The following RAB28 variants were observed in gnomAD, a reference collection of about 807,000 sequenced individuals.
The protein encoded by RAB28 is ras-related protein Rab-28.
RAB28 carries 24 observed loss-of-function variants against 31.7 expected under a neutral mutation model. The observed-to-expected ratio is 0.76, with a 90% CI of 0.55 to 1.06. The LOEUF is 1.06. RAB28 is among the 50% of genes least tolerant of loss of function. The pLI, the probability that RAB28 is intolerant of heterozygous loss-of-function variation, is 0.00. For synonymous variants in RAB28, 100 were observed against 90.4 expected (o/e 1.11, Z -0.60); for missense variants, 254 against 258.5 (o/e 0.98, Z 0.12).
chr4:13,425,506 T>C (rs143038851), intron 4 of RAB28, among the ~76,000 whole-genome samples: 267 of 152,246 alleles, frequency 1.8e-3, no homozygotes, highest in African/African-American at 6.0e-3. Flanking sequence ...TCTAGCATCA[T>C]GAAAAGGACT....
At chr4:13,451,999 T>C (rs1404997385) in intron 4 of RAB28, among the ~76,000 whole-genome samples, 1 of 151,952 alleles carries the variant, frequency 6.6e-6, no homozygotes, top group African/African-American at 2.4e-5. Flanking sequence ...TGCTTTGTAG[T>C]ATGTTTTCAA....
At chr4:13,459,994 A>T in intron 4 of RAB28, 1 of 973,390 alleles carries the variant, frequency 1.0e-6, no homozygotes, top group Non-Finnish European at 1.4e-6. Flanking sequence ...AAAGCAGCGG[A>T]GCAGTTATAA....
At chr4:13,396,423 T>C (rs1729875728) in intron 4 of RAB28, among the ~76,000 whole-genome samples, 2 of 152,068 alleles carry the variant, frequency 1.3e-5, no homozygotes, top group African/African-American at 4.8e-5. Flanking sequence ...GAGCATGTGT[T>C]TAATTTTACC....
chr4:13,378,409 A>G (rs774073550), intron 5 of RAB28, among the ~76,000 whole-genome samples: 9 of 152,196 alleles, frequency 5.9e-5, no homozygotes, highest in Non-Finnish European at 1.3e-4. Context: ...TGGGTAAAAT[A>G]CTGAGGGCAA....
At chr4:13,371,909 C>T in intron 6 of RAB28, 2 of 1,480,316 alleles carry the variant, frequency 1.4e-6, no homozygotes, top group South Asian at 1.2e-5. Context: ...AAGCTTAACC[C>T]TGATATTTTC....
intron 4 of RAB28, among the ~76,000 whole-genome samples, chr4:13,426,852 CTAA>C (rs1172327436): frequency 6.6e-6 from 1 of 152,120 alleles, no homozygotes; most frequent in African/African-American, 2.4e-5. Flanking sequence ...AAGATTATGA[CTAA>C]TGAGAATATT....
intron 4 of RAB28, among the ~76,000 whole-genome samples, chr4:13,444,116 C>A (rs1443822620): frequency 6.6e-6 from 1 of 151,842 alleles, no homozygotes; most frequent in Non-Finnish European, 1.5e-5. Flanking sequence ...CAAGCTCCGC[C>A]TCCCGGGTTC....
intron 2 of RAB28, among the ~76,000 whole-genome samples, chr4:13,475,454 AT>A (rs1479836427): frequency 1.3e-5 from 2 of 151,720 alleles, no homozygotes; most frequent in Non-Finnish European, 3.0e-5. Context: ...TTATAAAGAT[AT>A]AAATTTATAA....
chr4:13,394,236 G>A (rs1358886768), intron 4 of RAB28, among the ~76,000 whole-genome samples: 1 of 152,066 alleles, frequency 6.6e-6, no homozygotes, highest in African/African-American at 2.4e-5. Flanking sequence ...TTGGCACAAG[G>A]GACTAGTTTC....
intron 4 of RAB28, among the ~76,000 whole-genome samples, chr4:13,433,834 T>C (rs951293367): frequency 1.3e-5 from 2 of 152,028 alleles, no homozygotes; most frequent in Non-Finnish European, 2.9e-5. Flanking sequence ...AAATAAACCA[T>C]TTTACCGAAA....
At chr4:13,479,372 C>T (rs1716504928) in intron 2 of RAB28, 58 bp downstream of exon 2, 4 of 1,273,818 alleles carry the variant, frequency 3.1e-6, no homozygotes, top group Non-Finnish European at 4.5e-6. Flanking sequence ...CTTTCTTATG[C>T]CACTTATTGT....
At chr4:13,406,051 T>C (rs1712061190) in intron 4 of RAB28, among the ~76,000 whole-genome samples, 1 of 152,188 alleles carries the variant, frequency 6.6e-6, no homozygotes. Flanking sequence ...GTGCAGAACA[T>C]GCAGGTTTGT....
In RAB28 at chr4:13,460,704, T is replaced by C; in HGVS notation, c.386A>G (p.Asn129Ser). 1.2e-6 allele frequency: 2 copies of C among 1,614,010 alleles called. No homozygotes were observed. The highest frequency in any genetic ancestry group is 1.7e-6 in the Non-Finnish European group (2 of 1,179,898). The change falls in exon 4 of 7, where the codon AAT becomes AGT. Residue 129 changes from asparagine (N) to serine (S), a missense_variant. Coordinates refer to ENST00000330852, the MANE Select transcript of RAB28 (RefSeq NM_001017979.3). Reference sequence around the variant, plus strand: ...AACAAGCAGTAATAACTTACTTTTATTGCCTACCAAGGCAACCAGTGGCTG... The same window carrying C: ...AACAAGCAGTAATAACTTACTTTTACTGCCTACCAAGGCAACCAGTGGCTG... ...ETQPLVALVG[N>S]KIDLEHMRTI...
rs901987918 is a variant in RAB28, at chr4:13,378,981, C to T, written c.496-2359G>A. ...ACCCCAACACTTTGGGAGACTGAGG[C>T]GGGTGAATCACGAGGTCAGTTCAAG... On this transcript the variant is annotated intron_variant, in intron 5 of 6. Transcript: ENST00000330852. Among the ~76,000 whole-genome samples the T allele has an allele frequency of 5.3e-5, 8 of 152,014 alleles. No individual in the cohort carries two copies. In the South Asian group the frequency reaches 1.5e-3, roughly 28 times the overall value.
chr4:13,416,397 C>T (rs933600142), intron 4 of RAB28, among the ~76,000 whole-genome samples: 7 of 152,130 alleles, frequency 4.6e-5, no homozygotes, highest in African/African-American at 1.2e-4. Flanking sequence ...CCAGACACGC[C>T]GCCTTTAAGA....
rs112464394 is a variant in RAB28 at position 13,411,910 on chromosome 4, A to C, written c.392-30316T>G. Reference sequence around the variant, plus strand: ...CAATAACCCACTTAACAGGCAAAGAAAAAACACAAGGCTTTTATCTATATA... The same window carrying C: ...CAATAACCCACTTAACAGGCAAAGACAAAACACAAGGCTTTTATCTATATA... On this transcript the variant is annotated intron_variant, in intron 4 of 6. Coordinates refer to ENST00000330852, the MANE Select transcript of RAB28 (RefSeq NM_001017979.3). Among the ~76,000 whole-genome samples, 1,122 of 152,154 alleles carry C rather than the reference A, an allele frequency of 7.4e-3. 20 individuals are homozygous for C. Among genetic ancestry groups the C allele is most frequent in the African/African-American group, 0.025 (1,037 of 41,550 alleles).
intron 4 of RAB28, among the ~76,000 whole-genome samples, chr4:13,458,866 T>C (rs1715444923): frequency 6.6e-6 from 1 of 152,204 alleles, no homozygotes; most frequent in South Asian, 2.1e-4. Flanking sequence ...TTTGTGTAAA[T>C]ACACTCTATG....
Position 13,381,550 on chromosome 4 carries a change from G to A in RAB28, c.436C>T (p.Arg146Trp), listed in dbSNP as rs139395840. 7.3e-5 allele frequency: 118 copies of A among 1,613,248 alleles called. No homozygotes were observed. The African/African-American group carries it at 1.3e-3, about 17-fold the overall frequency. Residue 146 changes from arginine (R) to tryptophan (W), a missense_variant, in exon 5 of 7, where the codon CGG becomes TGG. By Grantham distance (101) the Arg-to-Trp change is moderately radical. Coordinates refer to ENST00000330852, the MANE Select transcript of RAB28 (RefSeq NM_001017979.3). ...CTAAAACCATTTTCCTGGCAAAACC[G>A]TAAGTGTTTTTCAGGTTTTATTGTT... ...MRTIKPEKHL[R>W]FCQENGFSSH...
At chr4:13,401,377 C>A (rs76183178) in intron 4 of RAB28, among the ~76,000 whole-genome samples, 3 of 151,854 alleles carry the variant, frequency 2.0e-5, no homozygotes, top group Non-Finnish European at 2.9e-5. Flanking sequence ...TGGCCTGTTG[C>A]GGGGAGGGAG....
Sources: allele counts gnomAD v4.1 joint callset (sites outside exome capture counted in the v4.1 genomes callset), GRCh38; gene constraint gnomAD v4.1.1; transcripts MANE v1.5; gene names NCBI Gene and HGNC (gene_info 2026-07-23, HGNC 2026-07-21).